Variants in CCDC73 observed in about 807,000 individuals in gnomAD.
The protein encoded by CCDC73 is coiled-coil domain-containing protein 73.
Under a neutral mutation model 116.5 loss-of-function variants are expected in CCDC73, and 95 were observed. The observed-to-expected ratio is 0.82, with a 90% CI of 0.69 to 0.97. The LOEUF (loss-of-function observed/expected upper bound fraction) is 0.97. Ranked by LOEUF, CCDC73 falls within the 50% of genes least tolerant of loss-of-function variation. The pLI is 0.00. For missense variants in CCDC73, 1,066 were observed against 1,206.8 expected, an observed-to-expected ratio of 0.88 and a Z score of 1.73; for synonymous variants, 398 against 401.3, an observed-to-expected ratio of 0.99 and a Z score of 0.10.
At chr11:32,645,295 T>C (rs992245326) in intron 12 of CCDC73, among the ~76,000 whole-genome samples, 4 of 82,710 alleles carry the variant, frequency 4.8e-5, no homozygotes, top group Non-Finnish European at 8.6e-5. Context: ...CTTTTTCTTT[T>C]TTTTTTTTTT....
intron 9 of CCDC73, among the ~76,000 whole-genome samples, chr11:32,663,173 C>G (rs540350746): frequency 6.6e-6 from 1 of 152,194 alleles, no homozygotes; most frequent in African/African-American, 2.4e-5. Context: ...CAATGCGTGT[C>G]TTTTTTGGTT....
chr11:32,739,467 GA>G (rs1850164532), intron 2 of CCDC73, among the ~76,000 whole-genome samples: 1 of 152,090 alleles, frequency 6.6e-6, no homozygotes, highest in Non-Finnish European at 1.5e-5. Context: ...TATTGTAAAT[GA>G]GATTACTTTC....
chr11:32,819,197 G>C, the CCDC73 span, among the ~76,000 whole-genome samples: 1 of 151,234 alleles, frequency 6.6e-6, no homozygotes, highest in Non-Finnish European at 1.5e-5. Flanking sequence ...ATTTAATATG[G>C]TCTTAAATGC....
chr11:32,753,423 T>C (rs1850305161), intron 2 of CCDC73, among the ~76,000 whole-genome samples: 1 of 151,780 alleles, frequency 6.6e-6, no homozygotes, highest in African/African-American at 2.4e-5. Context: ...GCCTTCCAAG[T>C]AGCTGGGACT....
At chr11:32,659,265 T>C (rs947695062) in intron 9 of CCDC73, among the ~76,000 whole-genome samples, 2 of 152,074 alleles carry the variant, frequency 1.3e-5, no homozygotes, top group Non-Finnish European at 2.9e-5. Flanking sequence ...AAGAACCCAA[T>C]GTGTGACCTG....
intron 12 of CCDC73, among the ~76,000 whole-genome samples, chr11:32,642,460 T>G (rs1229023552): frequency 6.6e-6 from 1 of 152,020 alleles, no homozygotes; most frequent in Non-Finnish European, 1.5e-5. Flanking sequence ...TTTTCCATTA[T>G]CTGTTTATTT....
At chr11:32,631,630 GGGAAAGGAAA>G (rs372803412) in intron 14 of CCDC73, among the ~76,000 whole-genome samples, 3 of 150,478 alleles carry the variant, frequency 2.0e-5, no homozygotes, top group African/African-American at 2.5e-5. Context: ...GGGAAGGGAC[GGGAAAGGAAA>G]GGAAAGGAAA....
intron 2 of CCDC73, among the ~76,000 whole-genome samples, chr11:32,728,638 A>T (rs899247396): frequency 9.2e-5 from 14 of 152,192 alleles, no homozygotes; most frequent in African/African-American, 3.4e-4. Flanking sequence ...ACAGACGTCT[A>T]TATTTATCTA....
At chr11:32,801,595 C>A in the CCDC73 span, among the ~76,000 whole-genome samples, 1,597 of 151,092 alleles carry the variant, frequency 0.011, 27 homozygotes, top group African/African-American at 0.037. Flanking sequence ...GAGCGGCAAT[C>A]GCACCACTGC....
At chr11:32,704,327 T>C (rs1029839935) in intron 3 of CCDC73, among the ~76,000 whole-genome samples, 68 of 152,338 alleles carry the variant, frequency 4.5e-4, no homozygotes, top group African/African-American at 1.6e-3. Context: ...TCTGCTCCAC[T>C]GTGGAGCAAA....
At chr11:32,764,639 G>C (rs1053635418) in intron 1 of CCDC73, among the ~76,000 whole-genome samples, 2 of 152,158 alleles carry the variant, frequency 1.3e-5, no homozygotes, top group African/African-American at 4.8e-5. Flanking sequence ...GGAACAACCA[G>C]TACCAGCCAC....
At chr11:32,665,051 A>G (rs908568613) in intron 9 of CCDC73, among the ~76,000 whole-genome samples, 3 of 152,064 alleles carry the variant, frequency 2.0e-5, no homozygotes, top group African/African-American at 7.2e-5. Context: ...GTTCTTCTAC[A>G]TTTGCTGAGG....
At position 32,603,144 on chromosome 11, in the gene CCDC73, TTAG is replaced by T. The variant is rs57016613; in HGVS notation, c.3031-127_3031-125del. The T allele has an allele frequency of 8.6e-3, 6,065 of 702,548 alleles. 247 individuals are homozygous for T. In the African/African-American group the frequency reaches 0.093, roughly 11 times the overall value. 43.5% of individuals were successfully genotyped at this position (702,548 alleles called of 1,614,324 possible). A position where few individuals can be genotyped will look rare whatever the true frequency, so the allele number is the denominator to read the frequency against. ...CATCTCTTGGCTGATTTCCACTACC[TTAG>T]TAGTTCTGGCACCAGAAAAGTATAC... is the stretch of plus-strand genomic sequence containing the variant. On this transcript the variant is annotated intron_variant, in intron 17 of 17. Coordinates refer to ENST00000335185, the MANE Select transcript of CCDC73 (RefSeq NM_001008391.4).
chr11:32,764,185 C>A (rs185452778), intron 1 of CCDC73, among the ~76,000 whole-genome samples: 1 of 152,314 alleles, frequency 6.6e-6, no homozygotes, highest in African/African-American at 2.4e-5. Context: ...CTGGAAAACA[C>A]ACTTCAGGAT....
intron 12 of CCDC73, among the ~76,000 whole-genome samples, chr11:32,647,041 G>A (rs1855784560): frequency 6.6e-6 from 1 of 152,082 alleles, no homozygotes. Context: ...TTTCTACAAG[G>A]TTTTTTCATT....
intron 9 of CCDC73, among the ~76,000 whole-genome samples, chr11:32,666,155 A>C (rs1246102721): frequency 1.3e-5 from 2 of 152,062 alleles, no homozygotes; most frequent in Non-Finnish European, 2.9e-5. Flanking sequence ...TGCTCTTCTC[A>C]AAGAGTATCT....
intron 17 of CCDC73, among the ~76,000 whole-genome samples, chr11:32,607,342 T>C (rs942127192): frequency 6.6e-6 from 1 of 151,196 alleles, no homozygotes; most frequent in African/African-American, 2.4e-5. Context: ...TCCGCCCGCC[T>C]CGGCCTCCCA....
intron 2 of CCDC73, among the ~76,000 whole-genome samples, chr11:32,747,659 G>T (rs1310110736): frequency 6.6e-6 from 1 of 152,202 alleles, no homozygotes; most frequent in East Asian, 1.9e-4. Flanking sequence ...AGCAATGGCA[G>T]ATGCCCCTCC....
At chr11:32,608,419 A>C (rs1265814125) in intron 17 of CCDC73, among the ~76,000 whole-genome samples, 2 of 152,186 alleles carry the variant, frequency 1.3e-5, no homozygotes, top group African/African-American at 2.4e-5. Flanking sequence ...TGAAAGTCCA[A>C]AATCCAGCAT....
Sources: gnomAD v4.1 joint callset for allele counts (sites outside exome capture counted in the v4.1 genomes callset) on GRCh38, gnomAD v4.1.1 for gene constraint, MANE v1.5 for transcripts, NCBI Gene and HGNC (gene_info 2026-07-23, HGNC 2026-07-21) for gene names.